TBC1D32: variants seen among roughly 807,000 people sequenced by gnomAD.
The protein encoded by TBC1D32 is protein broad-minded.
In TBC1D32, 151 loss-of-function variants were observed where a neutral mutation model predicts 170.3. The observed-to-expected ratio is 0.89, with a 90% CI of 0.78 to 1.01. TBC1D32 has a LOEUF of 1.01. TBC1D32 is among the 50% of genes least tolerant of loss of function. The pLI is 0.00. For missense variants in TBC1D32, 1,464 were observed against 1,457.1 expected (o/e 1.00, Z -0.08); for synonymous variants, 498 against 488.0 (o/e 1.02, Z -0.27).
At chr6:121,087,375 A>G (rs1455615192) in intron 31 of TBC1D32, among the ~76,000 whole-genome samples, 1 of 152,218 alleles carries the variant, frequency 6.6e-6, no homozygotes, top group Non-Finnish European at 1.5e-5. Flanking sequence ...TTAGTGACCT[A>G]TTAGAAATGT....
At chr6:121,264,695 C>T (rs1032356866) in intron 15 of TBC1D32, among the ~76,000 whole-genome samples, 1 of 152,128 alleles carries the variant, frequency 6.6e-6, no homozygotes, top group African/African-American at 2.4e-5. Flanking sequence ...AATCCAGCAG[C>T]ACATCAAAAA....
At chr6:121,290,846 T>C (rs1355247875) in intron 12 of TBC1D32, among the ~76,000 whole-genome samples, 1 of 152,150 alleles carries the variant, frequency 6.6e-6, no homozygotes, top group African/African-American at 2.4e-5. Context: ...TCATGTCTTT[T>C]GTAGGGACAC....
intron 27 of TBC1D32, among the ~76,000 whole-genome samples, chr6:121,114,343 T>C (rs1206435266): frequency 1.3e-5 from 2 of 152,232 alleles, no homozygotes; most frequent in Non-Finnish European, 2.9e-5. Flanking sequence ...ACTTTGCTTA[T>C]TTCTTACAAA....
chr6:121,186,452 T>C (rs1394726526), intron 22 of TBC1D32, among the ~76,000 whole-genome samples: 1 of 151,856 alleles, frequency 6.6e-6, no homozygotes, highest in Non-Finnish European at 1.5e-5. Context: ...AACTTAGATA[T>C]AGATAATATA....
At chr6:121,179,322 G>C (rs926531332) in intron 22 of TBC1D32, among the ~76,000 whole-genome samples, 1 of 150,598 alleles carries the variant, frequency 6.6e-6, no homozygotes, top group Non-Finnish European at 1.5e-5. Context: ...GTGCATGTGT[G>C]TGAAAATTAC....
At chr6:121,173,013 T>C (rs1411777805) in intron 22 of TBC1D32, among the ~76,000 whole-genome samples, 1 of 152,124 alleles carries the variant, frequency 6.6e-6, no homozygotes, top group African/African-American at 2.4e-5. Context: ...TTAACTTGAT[T>C]GTATTGAAGG....
In TBC1D32 at chr6:121,089,568, A is replaced by G. The variant is rs111573148; in HGVS notation, c.3654+1285T>C. ...TTAGAGAGCATTCTTTTATTTTTCT[A>G]TCTTAGTTTTTCCTCTACATGTGCA... On this transcript the variant is annotated intron_variant, in intron 31 of 31. Transcript: ENST00000398212. Among the ~76,000 whole-genome samples, 1,316 of 152,212 alleles carry G rather than the reference A, an allele frequency of 8.6e-3. 9 individuals are homozygous for G. Among genetic ancestry groups the G allele is most frequent in the South Asian group, 0.041 (199 of 4,824 alleles).
At chr6:121,264,042 G>A (rs903659735) in intron 15 of TBC1D32, among the ~76,000 whole-genome samples, 3 of 151,766 alleles carry the variant, frequency 2.0e-5, no homozygotes, top group Non-Finnish European at 4.4e-5. Context: ...CGAATCAAGA[G>A]CAAACAAATA....
At chr6:121,283,756 T>C (rs952727267) in intron 13 of TBC1D32, 62 bp downstream of exon 13, 32 of 1,280,918 alleles carry the variant, frequency 2.5e-5, no homozygotes, top group Admixed American at 2.1e-4. Flanking sequence ...ATCTAGACAA[T>C]AGAATACTTA....
intron 15 of TBC1D32, among the ~76,000 whole-genome samples, chr6:121,258,979 TAA>T (rs201878489): frequency 1.9e-4 from 28 of 144,922 alleles, no homozygotes; most frequent in African/African-American, 5.8e-4. Context: ...TCTTTAATAT[TAA>T]AAAAAAAAAG....
At chr6:121,314,187 T>C (rs1014460329) in intron 3 of TBC1D32, among the ~76,000 whole-genome samples, 2 of 152,162 alleles carry the variant, frequency 1.3e-5, no homozygotes, top group Admixed American at 1.3e-4. Context: ...ACTTCCATCT[T>C]CAAAAACAGC....
At chr6:121,162,525 T>TA (rs1433953128) in intron 22 of TBC1D32, among the ~76,000 whole-genome samples, 4 of 152,164 alleles carry the variant, frequency 2.6e-5, no homozygotes, top group African/African-American at 9.7e-5. Context: ...CCACTCCTAT[T>TA]AAACATAGTA....
At chr6:121,195,612 T>C (rs1790621472) in intron 22 of TBC1D32, among the ~76,000 whole-genome samples, 1 of 152,166 alleles carries the variant, frequency 6.6e-6, no homozygotes, top group African/African-American at 2.4e-5. Context: ...GAAAGTTACA[T>C]GAGGAAGTGA....
At chr6:121,156,066 T>C (rs371010630) in intron 24 of TBC1D32, among the ~76,000 whole-genome samples, 1 of 152,020 alleles carries the variant, frequency 6.6e-6, no homozygotes, top group Non-Finnish European at 1.5e-5. Context: ...TTCAACTTTT[T>C]GGAATAGTTT....
intron 24 of TBC1D32, among the ~76,000 whole-genome samples, chr6:121,146,791 T>G (rs988010881): frequency 6.6e-6 from 1 of 152,204 alleles, no homozygotes; most frequent in Non-Finnish European, 1.5e-5. Flanking sequence ...TACTCAAAAG[T>G]GTTCATTTAA....
intron 20 of TBC1D32, chr6:121,224,537 G>A (rs561134691): frequency 9.9e-5 from 15 of 152,092 alleles, no homozygotes; most frequent in Non-Finnish European, 1.9e-4. Context: ...TTGAGCTCAA[G>A]TGAAGTGGCT....
intron 15 of TBC1D32, among the ~76,000 whole-genome samples, chr6:121,257,875 G>A (rs921293731): frequency 1.3e-5 from 2 of 152,062 alleles, no homozygotes; most frequent in African/African-American, 4.8e-5. Context: ...CTTCTAAAAT[G>A]GTAAGATACC....
intron 22 of TBC1D32, among the ~76,000 whole-genome samples, chr6:121,162,636 A>G (rs1340600990): frequency 1.3e-5 from 2 of 152,162 alleles, no homozygotes; most frequent in African/African-American, 2.4e-5. Context: ...ACATGATGCT[A>G]TATCTAGAAA....
intron 15 of TBC1D32, among the ~76,000 whole-genome samples, chr6:121,274,502 T>C (rs531489009): frequency 2.0e-5 from 3 of 149,660 alleles, no homozygotes; most frequent in Admixed American, 6.7e-5. Flanking sequence ...GTTCAAATAA[T>C]AGAATTTCAG....
Sources: allele counts gnomAD v4.1 joint callset (sites outside exome capture counted in the v4.1 genomes callset), GRCh38; gene constraint gnomAD v4.1.1; transcripts MANE v1.5; gene names NCBI Gene and HGNC (gene_info 2026-07-23, HGNC 2026-07-21).